Variants in C12orf42 observed in about 807,000 individuals in gnomAD.
C12orf42 encodes uncharacterized protein C12orf42.
Under a neutral mutation model 21.6 loss-of-function variants are expected in C12orf42, and 25 were observed. The observed-to-expected ratio is 1.16, with a 90% CI of 0.84 to 1.62. C12orf42 has a LOEUF of 1.62. C12orf42 is among the 40% of genes most tolerant of loss of function. C12orf42 has a pLI of 0.00. For missense variants in C12orf42, 483 were observed against 459.3 expected (o/e 1.05, Z -0.47); for synonymous variants, 174 against 175.0 (o/e 0.99, Z 0.05).
the C12orf42 span, among the ~76,000 whole-genome samples, chr12:103,073,871 C>G: frequency 6.6e-6 from 1 of 152,044 alleles, no homozygotes; most frequent in South Asian, 2.1e-4. Context: ...TTGGAAGGTC[C>G]TTACTCATGC....
At chr12:103,145,640 G>A in the C12orf42 span, among the ~76,000 whole-genome samples, 37 of 152,068 alleles carry the variant, frequency 2.4e-4, 2 homozygotes, top group South Asian at 5.2e-3. Flanking sequence ...GCCATAAAGG[G>A]AAAAAATAGT....
intron 2 of C12orf42, among the ~76,000 whole-genome samples, chr12:103,470,262 C>G (rs1953488003): frequency 6.6e-6 from 1 of 152,190 alleles, no homozygotes; most frequent in African/African-American, 2.4e-5. Flanking sequence ...GTCCTGACAT[C>G]TGGCAGCTTT....
At chr12:103,100,939 T>C in the C12orf42 span, among the ~76,000 whole-genome samples, 1 of 152,244 alleles carries the variant, frequency 6.6e-6, no homozygotes, top group Non-Finnish European at 1.5e-5. Context: ...AATTCGATTA[T>C]ACATTCAAAA....
chr12:103,246,772 A>G (rs902630001), intron 10 of C12orf42, among the ~76,000 whole-genome samples: 1 of 144,768 alleles, frequency 6.9e-6, no homozygotes, highest in Non-Finnish European at 1.5e-5. Context: ...AGAAGAATAA[A>G]AATGCAGAGC....
the C12orf42 span, among the ~76,000 whole-genome samples, chr12:103,541,773 T>C: frequency 6.6e-6 from 1 of 152,234 alleles, no homozygotes; most frequent in Non-Finnish European, 1.5e-5. Flanking sequence ...TCTTTTTTTT[T>C]TCATTATGGC....
chr12:103,227,015 C>G, the C12orf42 span, among the ~76,000 whole-genome samples: 1 of 152,066 alleles, frequency 6.6e-6, no homozygotes, highest in Non-Finnish European at 1.5e-5. Context: ...GAACTACTGT[C>G]GAGTTTGTAT....
At position 103,368,913 on chromosome 12, in the gene C12orf42, C is replaced by G. The variant is rs186161266; in HGVS notation, c.233G>C (p.Arg78Pro). Residue 78 changes from arginine (R) to proline (P), a missense_variant, in exon 4 of 6, where the codon CGT (arginine) becomes CCT (proline). Physicochemically the swap from Arg to Pro is moderately radical, Grantham distance 103 (BLOSUM62 -2). Coordinates refer to ENST00000548883, the MANE Select transcript of C12orf42 (RefSeq NM_198521.5). ...TGGAAAATTCAGAAAGTGTAGACTA[C>G]GAAATTTAGGAGATTCAGAGAAATT... is the stretch of plus-strand genomic sequence containing the variant. ...MKNFSESPKF[R>P]SLHFLNFPVF... 3.8e-6 allele frequency: 6 copies of G among 1,585,902 alleles called. No individual in the cohort carries two copies. Among genetic ancestry groups the G allele is most frequent in the Non-Finnish European group, 5.2e-6 (6 of 1,161,294 alleles).
chr12:103,508,095 G>GTC, the C12orf42 span, among the ~76,000 whole-genome samples: 1 of 152,110 alleles, frequency 6.6e-6, no homozygotes, highest in Non-Finnish European at 1.5e-5. Flanking sequence ...CAGGATTATT[G>GTC]TAAGGGTGAA....
intron 4 of C12orf42, among the ~76,000 whole-genome samples, chr12:103,330,817 A>G (rs2041179883): frequency 6.6e-6 from 1 of 152,208 alleles, no homozygotes; most frequent in African/African-American, 2.4e-5. Context: ...CCTTAGGGAA[A>G]GAGAATATGA....
chr12:103,074,447 G>A, the C12orf42 span, among the ~76,000 whole-genome samples: 14 of 152,226 alleles, frequency 9.2e-5, no homozygotes, highest in East Asian at 1.2e-3. Flanking sequence ...CATCAAGGAA[G>A]CAGGTAAGCC....
chr12:103,227,568 G>A, the C12orf42 span, among the ~76,000 whole-genome samples: 2 of 151,944 alleles, frequency 1.3e-5, no homozygotes, highest in East Asian at 1.9e-4. Flanking sequence ...CGGTTGAGGG[G>A]TACTTGCCCC....
chr12:103,329,616 T>TAAA (rs568084194), intron 4 of C12orf42, among the ~76,000 whole-genome samples: 1 of 140,050 alleles, frequency 7.1e-6, no homozygotes, highest in African/African-American at 2.6e-5. Context: ...CGGGCCTGCT[T>TAAA]AAAAAAAAAA....
intron 3 of C12orf42, among the ~76,000 whole-genome samples, chr12:103,381,849 G>A (rs771015965): frequency 4.6e-5 from 7 of 152,008 alleles, no homozygotes; most frequent in African/African-American, 9.7e-5. Flanking sequence ...CCTGGGAGGC[G>A]GATCTTGCAG....
At chr12:103,304,618 G>T (rs2038083673) in intron 5 of C12orf42, among the ~76,000 whole-genome samples, 1 of 152,150 alleles carries the variant, frequency 6.6e-6, no homozygotes, top group South Asian at 2.1e-4. Flanking sequence ...CCTGGATTCT[G>T]CACTAAACCA....
the C12orf42 span, among the ~76,000 whole-genome samples, chr12:103,083,106 T>C: frequency 6.6e-6 from 1 of 152,210 alleles, no homozygotes. Context: ...GGCTGACGCC[T>C]GTAATTCCAA....
chr12:103,260,184 T>A (rs1467179684), intron 10 of C12orf42, among the ~76,000 whole-genome samples: 1 of 152,228 alleles, frequency 6.6e-6, no homozygotes, highest in Non-Finnish European at 1.5e-5. Context: ...GGCTTCTTTA[T>A]AATTTAGTCT....
the C12orf42 span, among the ~76,000 whole-genome samples, chr12:103,076,614 A>G: frequency 3.3e-5 from 5 of 152,308 alleles, no homozygotes; most frequent in Non-Finnish European, 7.4e-5. Context: ...GATGATGTTG[A>G]TGAAAGCCCA....
At chr12:103,113,511 CCT>C in the C12orf42 span, among the ~76,000 whole-genome samples, 1,792 of 152,172 alleles carry the variant, frequency 0.012, 34 homozygotes, top group African/African-American at 0.041. Flanking sequence ...GTTCTTTTCT[CCT>C]AAAGTTTTGG....
intron 2 of C12orf42, among the ~76,000 whole-genome samples, chr12:103,425,898 A>C (rs537410360): frequency 9.4e-4 from 143 of 152,186 alleles, no homozygotes; most frequent in Admixed American, 2.7e-3. Context: ...CTTTGTTTAC[A>C]CTGTGAGGGG....
Sources: gnomAD v4.1 joint callset for allele counts (sites outside exome capture counted in the v4.1 genomes callset) on GRCh38, gnomAD v4.1.1 for gene constraint, MANE v1.5 for transcripts, NCBI Gene and HGNC (gene_info 2026-07-23, HGNC 2026-07-21) for gene names.